The following TNNI1 variants were observed in gnomAD, a reference collection of about 807,000 sequenced individuals.
TNNI1 encodes the protein troponin I1, slow skeletal type, also known as troponin I, slow skeletal muscle.
In TNNI1, 14 loss-of-function variants were observed where a neutral mutation model predicts 26.7. That is an observed-to-expected ratio of 0.52 (90% confidence interval 0.35 to 0.82). TNNI1 has a LOEUF of 0.82. TNNI1 is among the 40% of genes least tolerant of loss of function. TNNI1 has a pLI of 0.01. For missense variants in TNNI1, 164 were observed against 257.0 expected (o/e 0.64, Z 2.47); for synonymous variants, 79 against 98.2 (o/e 0.80, Z 1.16).
Position 201,404,764 on chromosome 1 carries a change from G to A in TNNI1, c.*4489C>T, listed in dbSNP as rs887716876. On this transcript the variant is annotated 3_prime_UTR_variant, in exon 9 of 9. Transcript: ENST00000361379. ...GAGCCAGTCAGGAGAAGAGCATCTGGGAGGCACTAGTACAGGGGACACACA... is the reference window on the plus strand; with the variant it reads ...GAGCCAGTCAGGAGAAGAGCATCTGAGAGGCACTAGTACAGGGGACACACA... 6.6e-6 allele frequency: 1 copy of A among 152,246 alleles called. No individual in the cohort carries two copies. The allele number at this position is 152,246 out of a possible 1,614,324, so 9.4% of individuals were successfully genotyped here.
At chr1:201,413,613 T>G (rs998990274) in intron 5 of TNNI1, among the ~76,000 whole-genome samples, 11 of 151,908 alleles carry the variant, frequency 7.2e-5, no homozygotes, top group Non-Finnish European at 1.5e-5. Flanking sequence ...GGCATGGTGG[T>G]GTGCACCTGT....
intron 5 of TNNI1, among the ~76,000 whole-genome samples, chr1:201,414,205 A>C (rs1304873096): frequency 6.6e-6 from 1 of 152,186 alleles, no homozygotes; most frequent in Non-Finnish European, 1.5e-5. Flanking sequence ...TCCTTGGAAA[A>C]GTGGGGCTTC....
rs1315435172 is a variant in TNNI1 at position 201,411,449 on chromosome 1, C to T, written c.364G>A (p.Ala122Thr). The change falls in exon 7 of 9, where the codon GCC becomes ACC. Residue 122 changes from alanine to threonine, a missense_variant. By Grantham distance (58) the Ala-to-Thr change is moderately conservative. Around this residue, in one of 3 missense-constraint regions of TNNI1, gnomAD observed 4 missense variants for 24.0 expected, o/e 0.17. Coordinates refer to ENST00000361379, the MANE Select transcript of TNNI1 (RefSeq NM_003281.4). The surrounding 1 kb of genome is among the most constrained non-coding windows in gnomAD (Gnocchi z 4.6). ...PLRRVRVSAD[A>T]MLRALLGSKH... ...GAGCCCAGCAGGGCCCGGAGCATGG[C>T]GTCAGCCGAGACACGGACTCGACGC... 4 of 1,613,536 alleles carry T rather than the reference C, an allele frequency of 2.5e-6. No homozygotes were observed. Among genetic ancestry groups the T allele is most frequent in the Non-Finnish European group, 3.4e-6 (4 of 1,179,844 alleles).
In TNNI1 at chr1:201,413,048, A is replaced by T. The variant is rs1463134999; in HGVS notation, c.263T>A (p.Leu88His). The change falls in exon 6 of 9, where the codon CTC becomes CAC. Residue 88 changes from leucine to histidine, a missense_variant. Physicochemically the swap from Leu to His is moderately conservative, Grantham distance 99. Around this residue, in one of 3 missense-constraint regions of TNNI1, gnomAD observed 117 missense variants for 158.7 expected, o/e 0.74. Coordinates refer to ENST00000361379, the MANE Select transcript of TNNI1 (RefSeq NM_003281.4). ...TAGACTCACCTCCCTGGTGTTGTGG[A>T]GGCATTTGGCCTCAATGTCGTATCG... ...EERYDIEAKC[L>H]HNTREIKDLK... 1 of 1,614,020 alleles carries T rather than the reference A, an allele frequency of 6.2e-7. No individual in the cohort carries two copies. The highest frequency in any genetic ancestry group is 8.5e-7 in the Non-Finnish European group (1 of 1,179,938).
At chr1:201,415,649 C>T (rs554328450) in intron 3 of TNNI1, among the ~76,000 whole-genome samples, 5 of 152,060 alleles carry the variant, frequency 3.3e-5, no homozygotes, top group African/African-American at 9.7e-5. Flanking sequence ...CTTTGAAAAT[C>T]GTAAAAGCTA....
Position 201,411,583 on chromosome 1 carries a change from G to A in TNNI1, c.280-50C>T, listed in dbSNP as rs1662637205. ...TCACTGGAGAGGCAGCTAGCCACAG[G>A]ACACCCTTCCTGAGGACCTCAGACT... On this transcript the variant is annotated intron_variant, in intron 6 of 8. Coordinates refer to ENST00000361379, the MANE Select transcript of TNNI1 (RefSeq NM_003281.4). The surrounding 1 kb of genome is among the most constrained non-coding windows in gnomAD (Gnocchi z 4.6). 1.3e-6 allele frequency: 2 copies of A among 1,492,262 alleles called. No individual in the cohort carries two copies. Among genetic ancestry groups the A allele is most frequent in the Non-Finnish European group, 1.8e-6 (2 of 1,123,130 alleles). 92.4% of individuals were successfully genotyped at this position (1,492,262 alleles called of 1,614,324 possible).
In TNNI1 at chr1:201,405,016, C is replaced by T. The variant is rs184042111; in HGVS notation, c.*4237G>A. Reference sequence around the variant, plus strand: ...CCAGGCTCACCCAGCCTGTGCCAACCAGTGAGAGAGGCCAATGGTTGGCAC... The same window carrying T: ...CCAGGCTCACCCAGCCTGTGCCAACTAGTGAGAGAGGCCAATGGTTGGCAC... On this transcript the variant is annotated 3_prime_UTR_variant, in exon 9 of 9. Transcript: ENST00000361379. The T allele has an allele frequency of 1.2e-4, 19 of 152,460 alleles. No homozygotes were observed. Among genetic ancestry groups the T allele is most frequent in the African/African-American group, 3.8e-4 (16 of 41,586 alleles). The allele number at this position is 152,460 out of a possible 1,614,324, so 9.4% of individuals were successfully genotyped here.
intron 5 of TNNI1, 47 bp downstream of exon 5, chr1:201,414,471 A>G (rs1007394104): frequency 1.4e-5 from 20 of 1,479,818 alleles, no homozygotes; most frequent in Non-Finnish European, 1.8e-5. Context: ...AGCCACCCAC[A>G]CAGCACCTCC....
chr1:201,412,378 G>T (rs966356360), intron 6 of TNNI1, among the ~76,000 whole-genome samples: 1 of 152,136 alleles, frequency 6.6e-6, no homozygotes, highest in African/African-American at 2.4e-5. Context: ...TATAATTCCT[G>T]GTGGGCAGAA....
intron 2 of TNNI1, among the ~76,000 whole-genome samples, chr1:201,417,399 G>A (rs1300618393): frequency 6.6e-6 from 1 of 152,188 alleles, no homozygotes; most frequent in Non-Finnish European, 1.5e-5. Flanking sequence ...TGGAAGGGGA[G>A]GGAAGCCTTA....
intron 2 of TNNI1, 94 bp downstream of exon 2, chr1:201,417,689 G>A (rs1218953692): frequency 5.3e-6 from 6 of 1,132,770 alleles, no homozygotes; most frequent in Non-Finnish European, 4.6e-6. Flanking sequence ...AAAAGCTTTG[G>A]GGGTTGAAAA....
At chr1:201,417,243 A>G in intron 2 of TNNI1, 124 bp from the exon 3 acceptor site, 1 of 1,291,070 alleles carries the variant, frequency 7.7e-7, no homozygotes, top group Non-Finnish European at 1.1e-6. Context: ...GGGGCCAGTG[A>G]CAACAGTGAG....
Position 201,418,467 on chromosome 1 carries a change from CAAA to C in TNNI1, c.-19-658_-19-656del, listed in dbSNP as rs4019987. Among the ~76,000 whole-genome samples, 409 of 102,022 alleles carry C rather than the reference CAAA, an allele frequency of 4.0e-3. 2 individuals are homozygous for C. Among genetic ancestry groups the C allele is most frequent in the African/African-American group, 0.013 (383 of 29,690 alleles). The allele number at this position is 102,022 out of a possible 152,430, so 66.9% of individuals were successfully genotyped here. On this transcript the variant is annotated intron_variant, in intron 1 of 8. Transcript: ENST00000361379. The stretch of plus-strand genomic sequence containing the variant: ...TGGGTAACAGAATGAGTCTCCTTCT[CAAA>C]AAAAAAAAAAAAAAAATAAGTGAGA...
chr1:201,413,210 T>G (rs1464176675), intron 5 of TNNI1, 89 bp from the exon 6 acceptor site: 20 of 1,441,646 alleles, frequency 1.4e-5, no homozygotes, highest in Non-Finnish European at 1.6e-5. Context: ...CCAGCCCCTT[T>G]GCAAGACCTG....
chr1:201,412,971 T>C lies in TNNI1; in HGVS notation c.279+61A>G. Reference sequence around the variant, plus strand: ...GAGGGGACCTCCCATGGCTGCTGCATCCGTGCCCATGCCCCTGCCCAACCC... The same window carrying C: ...GAGGGGACCTCCCATGGCTGCTGCACCCGTGCCCATGCCCCTGCCCAACCC... On this transcript the variant is annotated intron_variant, in intron 6 of 8. Transcript: ENST00000361379. The C allele has an allele frequency of 2.0e-6, 3 of 1,536,724 alleles. No homozygotes were observed. In the Admixed American group the frequency reaches 5.0e-5, roughly 26 times the overall value.
chr1:201,415,671 A>C (rs1662722939), intron 3 of TNNI1, among the ~76,000 whole-genome samples: 1 of 152,070 alleles, frequency 6.6e-6, no homozygotes, highest in African/African-American at 2.4e-5. Context: ...GTGTTTTCAC[A>C]CTCCAGGTAG....
At chr1:201,412,339 G>C (rs1662647519) in intron 6 of TNNI1, among the ~76,000 whole-genome samples, 1 of 152,186 alleles carries the variant, frequency 6.6e-6, no homozygotes, top group Admixed American at 6.5e-5. Context: ...ATCTCTAGGG[G>C]GAGTTCTTAG....
intron 8 of TNNI1, chr1:201,410,026 C>T (rs575055008): frequency 5.4e-4 from 140 of 258,920 alleles, no homozygotes; most frequent in African/African-American, 2.6e-3. Context: ...ATTTGCATCC[C>T]AGGTGATGTA....
At chr1:201,420,946 T>G (rs949825977) in intron 1 of TNNI1, among the ~76,000 whole-genome samples, 3 of 152,102 alleles carry the variant, frequency 2.0e-5, no homozygotes, top group African/African-American at 7.2e-5. Flanking sequence ...CTGCCCTGGC[T>G]TATGTGTTCA....
Sources: gnomAD v4.1 joint callset for allele counts (sites outside exome capture counted in the v4.1 genomes callset) on GRCh38, gnomAD v4.1.1 for gene constraint, gnomAD v4.1.1 regional missense constraint, Gnocchi (gnomAD v3.1) non-coding constraint, MANE v1.5 for transcripts, NCBI Gene and HGNC (gene_info 2026-07-23, HGNC 2026-07-21) for gene names.